The following SGCZ variants were observed in gnomAD, a reference collection of about 807,000 sequenced individuals.
SGCZ encodes the protein sarcoglycan zeta, also known as zeta-sarcoglycan.
A neutral mutation model predicts 41.3 loss-of-function variants in SGCZ; 40 were observed. The ratio of observed to expected loss-of-function variants is 0.97; its 90% CI spans 0.75 to 1.26. SGCZ has a LOEUF of 1.26. Ranked by LOEUF, SGCZ falls within the 50% of genes most tolerant of loss-of-function variation. The probability of loss-of-function intolerance (pLI) is 0.00; values close to 1 mark genes in which losing one functional copy is unlikely to be tolerated. For missense variants in SGCZ, 552 were observed against 369.8 expected (o/e 1.49, Z -4.04); for synonymous variants, 206 against 137.5 (o/e 1.50, Z -3.49).
intron 3 of SGCZ, among the ~76,000 whole-genome samples, chr8:14,286,735 C>G (rs1302650748): frequency 6.6e-6 from 1 of 152,004 alleles, no homozygotes; most frequent in Non-Finnish European, 1.5e-5. Flanking sequence ...TCACTGTATT[C>G]TTAGGCCATA....
intron 1 of SGCZ, among the ~76,000 whole-genome samples, chr8:14,707,923 T>C (rs1809384477): frequency 6.6e-6 from 1 of 152,080 alleles, no homozygotes; most frequent in Non-Finnish European, 1.5e-5. Context: ...GGAAAATGGG[T>C]ATGATTTGGG....
chr8:14,121,098 G>A (rs1490116352), intron 5 of SGCZ, among the ~76,000 whole-genome samples: 1 of 152,108 alleles, frequency 6.6e-6, no homozygotes, highest in Admixed American at 6.5e-5. Context: ...ACGGCTAAGA[G>A]AGTCCCCAGA....
At chr8:14,814,576 T>G (rs1298152744) in intron 1 of SGCZ, among the ~76,000 whole-genome samples, 2 of 152,180 alleles carry the variant, frequency 1.3e-5, no homozygotes, top group Non-Finnish European at 2.9e-5. Flanking sequence ...TGACCTTCTA[T>G]CTATCTTGTT....
At chr8:14,790,456 G>A (rs76826572) in intron 1 of SGCZ, among the ~76,000 whole-genome samples, 9 of 152,110 alleles carry the variant, frequency 5.9e-5, no homozygotes, top group South Asian at 2.1e-4. Context: ...TGTATCAAAC[G>A]CATAAAAAAT....
At chr8:14,233,610 A>ATG (rs1806650945) in intron 4 of SGCZ, among the ~76,000 whole-genome samples, 2 of 134,120 alleles carry the variant, frequency 1.5e-5, no homozygotes, top group Non-Finnish European at 1.7e-5. Flanking sequence ...ATATATATAT[A>ATG]TTCTATATAT....
chr8:14,367,432 C>A (rs1422096344), intron 2 of SGCZ, among the ~76,000 whole-genome samples: 2 of 152,042 alleles, frequency 1.3e-5, no homozygotes, highest in Admixed American at 1.3e-4. Flanking sequence ...CTCTCTATAG[C>A]AGCACCCCAC....
chr8:14,954,347 C>A (rs1177297805), intron 1 of SGCZ, among the ~76,000 whole-genome samples: 1 of 152,144 alleles, frequency 6.6e-6, no homozygotes, highest in Admixed American at 6.6e-5. Flanking sequence ...ATGTGGCAGA[C>A]AGACTCTATC....
intron 2 of SGCZ, among the ~76,000 whole-genome samples, chr8:14,374,475 T>C (rs1804036582): frequency 6.6e-6 from 1 of 152,222 alleles, no homozygotes; most frequent in South Asian, 2.1e-4. Flanking sequence ...AATTGAATTT[T>C]TTTTTCCAGT....
intron 1 of SGCZ, among the ~76,000 whole-genome samples, chr8:14,753,491 G>A (rs777507811): frequency 5.9e-5 from 9 of 152,146 alleles, no homozygotes; most frequent in Non-Finnish European, 7.3e-5. Flanking sequence ...ATATGCATAA[G>A]CAACATACAT....
At chr8:14,763,032 C>T (rs544847363) in intron 1 of SGCZ, among the ~76,000 whole-genome samples, 24 of 152,208 alleles carry the variant, frequency 1.6e-4, no homozygotes, top group African/African-American at 2.9e-4. Context: ...AAATATCATA[C>T]GTCCAACACA....
At chr8:14,844,289 T>G (rs995835642) in intron 1 of SGCZ, among the ~76,000 whole-genome samples, 2 of 152,114 alleles carry the variant, frequency 1.3e-5, no homozygotes, top group African/African-American at 4.8e-5. Context: ...CTCACATACT[T>G]TAGAGAGTGG....
At chr8:14,411,986 T>A (rs1450403728) in intron 2 of SGCZ, among the ~76,000 whole-genome samples, 1 of 152,100 alleles carries the variant, frequency 6.6e-6, no homozygotes. Flanking sequence ...AAAAATACAC[T>A]GCTCTCTTCT....
chr8:14,216,777 A>C (rs1393611052), intron 4 of SGCZ, among the ~76,000 whole-genome samples: 2 of 152,208 alleles, frequency 1.3e-5, no homozygotes, highest in Non-Finnish European at 2.9e-5. Flanking sequence ...ATGGTGAAAG[A>C]CTAAATGCTT....
At chr8:14,744,024 G>A (rs538046031) in intron 1 of SGCZ, among the ~76,000 whole-genome samples, 4 of 152,202 alleles carry the variant, frequency 2.6e-5, no homozygotes, top group African/African-American at 9.6e-5. Context: ...CATGCCTGAA[G>A]AAGAGGCTGA....
At chr8:14,388,541 C>T (rs1297611215) in intron 2 of SGCZ, among the ~76,000 whole-genome samples, 1 of 151,892 alleles carries the variant, frequency 6.6e-6, no homozygotes, top group African/African-American at 2.4e-5. Context: ...TCACTGGTCT[C>T]AGCAACGAAT....
intron 4 of SGCZ, among the ~76,000 whole-genome samples, chr8:14,189,372 C>T (rs1805017318): frequency 6.6e-6 from 1 of 152,178 alleles, no homozygotes; most frequent in African/African-American, 2.4e-5. Flanking sequence ...TTACTCAGAA[C>T]ACATTCTCCC....
chr8:14,406,078 C>T (rs928771213), intron 2 of SGCZ, among the ~76,000 whole-genome samples: 2 of 149,080 alleles, frequency 1.3e-5, no homozygotes, highest in South Asian at 2.1e-4. Flanking sequence ...GATCTCATCT[C>T]CTACAACCCT....
chr8:14,213,882 T>C (rs1411034146), intron 4 of SGCZ, among the ~76,000 whole-genome samples: 1 of 152,116 alleles, frequency 6.6e-6, no homozygotes, highest in Non-Finnish European at 1.5e-5. Flanking sequence ...TATATGTACA[T>C]ACTAGTTTTA....
In SGCZ at chr8:14,456,618, A is replaced by G. The variant is rs551610859; in HGVS notation, c.234+98114T>C. ...TTACCTATTGAGGGGATGGAGATAT[A>G]TGAGAAGAGTGAAAAGAAAGGGAGA... On this transcript the variant is annotated intron_variant, in intron 2 of 7. Coordinates refer to ENST00000382080, the MANE Select transcript of SGCZ (RefSeq NM_139167.4). Among the ~76,000 whole-genome samples the G allele has an allele frequency of 1.2e-4, 18 of 152,276 alleles. No individual in the cohort carries two copies. In the South Asian group the frequency reaches 3.1e-3, roughly 26 times the overall value.
Sources: allele counts gnomAD v4.1 joint callset (sites outside exome capture counted in the v4.1 genomes callset), GRCh38; gene constraint gnomAD v4.1.1; transcripts MANE v1.5; gene names NCBI Gene and HGNC (gene_info 2026-07-23, HGNC 2026-07-21).